KCNQ1OT1: variants seen among roughly 807,000 people sequenced by gnomAD.
KCNQ1OT1 encodes the protein KCNQ1 opposite strand/antisense transcript 1, also known as KCNQ1 antisense RNA 2 (non-protein coding).
exon 1 of KCNQ1OT1, chr11:2,685,058 A>G (rs967211855): frequency 2.5e-6 from 1 of 398,516 alleles, no homozygotes; most frequent in African/African-American, 2.1e-5. Context: ...TTTAAAATGT[A>G]TGGGACAGCC....
exon 1 of KCNQ1OT1, chr11:2,638,507 C>T (rs1486760205): frequency 6.6e-6 from 1 of 152,210 alleles, no homozygotes; most frequent in African/African-American, 2.4e-5. Flanking sequence ...TTGGCCCCCA[C>T]TCTCTTCTGG....
chr11:2,683,670 A>G lies in KCNQ1OT1; in HGVS notation n.16325T>C. 2 of 398,556 alleles carry G rather than the reference A, an allele frequency of 5.0e-6. No individual in the cohort carries two copies. The highest frequency in any genetic ancestry group is 4.4e-5 in the Admixed American group (1 of 22,728). The allele number at this position is 398,556 out of a possible 1,614,324, so 24.7% of individuals were successfully genotyped here. A position where few individuals can be genotyped will look rare whatever the true frequency, so the allele number is the denominator to read the frequency against. Reference sequence around the variant, plus strand: ...GAACATCCCTTACTTTCCCATCTCAATACAACTGTGAAAAGCCTAGCCTGG... The same window carrying G: ...GAACATCCCTTACTTTCCCATCTCAGTACAACTGTGAAAAGCCTAGCCTGG... On this transcript the variant is annotated non_coding_transcript_exon_variant, in exon 1 of 1. Coordinates refer to ENST00000597346, the Ensembl canonical transcript of KCNQ1OT1. The surrounding 1 kb of genome is among the most constrained non-coding windows in gnomAD (Gnocchi z 4.7).
rs76341569 is a variant in KCNQ1OT1, at chr11:2,683,310, T to G, written n.16685A>C. The stretch of plus-strand genomic sequence containing the variant: ...GTTTTAGTTTGCAAAACCAGACACA[T>G]AGAGGCCAGGTTTCCCCCGCTCAAC... On this transcript the variant is annotated non_coding_transcript_exon_variant, in exon 1 of 1. Coordinates refer to ENST00000597346, the Ensembl canonical transcript of KCNQ1OT1. This position sits in a 1 kb window ranked among gnomAD's most constrained non-coding sequence, Gnocchi z 4.7. 5,822 of 398,528 alleles carry G rather than the reference T, an allele frequency of 0.015. 204 individuals carry two copies. Among genetic ancestry groups the G allele is most frequent in the East Asian group, 0.097 (2,719 of 28,070 alleles). 24.7% of individuals were successfully genotyped at this position (398,528 alleles called of 1,614,324 possible).
At position 2,695,820 on chromosome 11, in the gene KCNQ1OT1, C is replaced by T. The variant is rs2133897573; in HGVS notation, n.4175G>A. 4 of 398,594 alleles carry T rather than the reference C, an allele frequency of 1.0e-5. No individual in the cohort carries two copies. In the East Asian group the frequency reaches 1.1e-4, roughly 11 times the overall value. The allele number at this position is 398,594 out of a possible 1,614,324, so 24.7% of individuals were successfully genotyped here. A position where few individuals can be genotyped will look rare whatever the true frequency, so the allele number is the denominator to read the frequency against. On this transcript the variant is annotated non_coding_transcript_exon_variant, in exon 1 of 1. Transcript: ENST00000597346. This position sits in a 1 kb window ranked among gnomAD's most constrained non-coding sequence, Gnocchi z 5.2. ...GAAGAATAGCTGTTGCTTTCATTTA[C>T]ATTTCTCTGATAACTGATTAGCTTG...
At chr11:2,660,188 A>AT (rs374329936) in exon 1 of KCNQ1OT1, 12 of 397,486 alleles carry the variant, frequency 3.0e-5, no homozygotes, top group Non-Finnish European at 4.4e-5. Flanking sequence ...TTTATTTTAG[A>AT]TTTTTTTTCA....
rs1850431374 is a variant in KCNQ1OT1, at chr11:2,683,423, G to C, written n.16572C>G. On this transcript the variant is annotated non_coding_transcript_exon_variant, in exon 1 of 1. Coordinates refer to ENST00000597346, the Ensembl canonical transcript of KCNQ1OT1. The surrounding 1 kb of genome is among the most constrained non-coding windows in gnomAD (Gnocchi z 4.7). ...TGTCCAATGGCTAAGCTTTCCCCAG[G>C]AATGGGTAACTGGAAAAATGTAGGA... The C allele has an allele frequency of 2.5e-6, 1 of 398,626 alleles. No homozygotes were observed. 24.7% of individuals were successfully genotyped at this position (398,626 alleles called of 1,614,324 possible).
chr11:2,687,774 C>CT lies in KCNQ1OT1; in HGVS notation n.12220dup. The stretch of plus-strand genomic sequence containing the variant: ...TGAGAAGAGGAGCCCCTTAGCAGGC[C>CT]TAACCACACCCCTAAGCCACCCAGC... On this transcript the variant is annotated non_coding_transcript_exon_variant, in exon 1 of 1. Transcript: ENST00000597346. The surrounding 1 kb of genome is among the most constrained non-coding windows in gnomAD (Gnocchi z 5.0). 2.5e-6 allele frequency: 1 copy of CT among 398,760 alleles called. No homozygotes were observed. The allele number at this position is 398,760 out of a possible 1,614,324, so 24.7% of individuals were successfully genotyped here. A position where few individuals can be genotyped will look rare whatever the true frequency, so the allele number is the denominator to read the frequency against.
exon 1 of KCNQ1OT1, chr11:2,692,326 TAGGCC>T: frequency 2.5e-6 from 1 of 398,980 alleles, no homozygotes; most frequent in Non-Finnish European, 4.4e-6. Context: ...ACTGTCCTGA[TAGGCC>T]ACCATTTCTC....
Position 2,649,954 on chromosome 11 carries a change from A to G in KCNQ1OT1, n.50041T>C, listed in dbSNP as rs191689638. ...AATATTGTTAGCTTAATAGTGTCTC[A>G]TATGTCACGCAGGCATTCTTCATTC... On this transcript the variant is annotated non_coding_transcript_exon_variant, in exon 1 of 1. Transcript: ENST00000597346. The G allele has an allele frequency of 1.9e-4, 74 of 398,464 alleles. 2 individuals are homozygous for G. The highest frequency in any genetic ancestry group is 1.2e-3 in the African/African-American group (60 of 48,726). 24.7% of individuals were successfully genotyped at this position (398,464 alleles called of 1,614,324 possible). A position where few individuals can be genotyped will look rare whatever the true frequency, so the allele number is the denominator to read the frequency against.
At position 2,674,574 on chromosome 11, in the gene KCNQ1OT1, T is replaced by C. The variant is rs1383724123; in HGVS notation, n.25421A>G. ...ACCTCGAGTGAGTGAATCTGAAGCATGCTAGTTGTGTTGCCTTTTAAATAG... is the reference window on the plus strand; with the variant it reads ...ACCTCGAGTGAGTGAATCTGAAGCACGCTAGTTGTGTTGCCTTTTAAATAG... On this transcript the variant is annotated non_coding_transcript_exon_variant, in exon 1 of 1. Transcript: ENST00000597346. The surrounding 1 kb of genome is among the most constrained non-coding windows in gnomAD (Gnocchi z 5.9). 7.5e-6 allele frequency: 3 copies of C among 398,488 alleles called. No homozygotes were observed. The highest frequency in any genetic ancestry group is 1.3e-5 in the Non-Finnish European group (3 of 226,066). The allele number at this position is 398,488 out of a possible 1,614,324, so 24.7% of individuals were successfully genotyped here.
chr11:2,610,850 G>T (rs1279015345), exon 1 of KCNQ1OT1: 3 of 397,602 alleles, frequency 7.5e-6, no homozygotes, highest in African/African-American at 4.1e-5. Context: ...ACAGGGGAGG[G>T]TATTAAGCAG....
chr11:2,668,816 TAATC>T lies in KCNQ1OT1; in HGVS notation n.31175_31178del, dbSNP rs1198533381. ...GGTCTTAATTTTCATGTGGTCCAGT[TAATC>T]AAACATTTCCTCTCTGGATAGGGCT... On this transcript the variant is annotated non_coding_transcript_exon_variant, in exon 1 of 1. Coordinates refer to ENST00000597346, the Ensembl canonical transcript of KCNQ1OT1. This position sits in a 1 kb window ranked among gnomAD's most constrained non-coding sequence, Gnocchi z 4.3. 2.5e-6 allele frequency: 1 copy of T among 398,528 alleles called. No individual in the cohort carries two copies. Among genetic ancestry groups the T allele is most frequent in the South Asian group, 1.3e-4 (1 of 7,862 alleles). The allele number at this position is 398,528 out of a possible 1,614,324, so 24.7% of individuals were successfully genotyped here. A position where few individuals can be genotyped will look rare whatever the true frequency, so the allele number is the denominator to read the frequency against.
At chr11:2,619,096 A>G (rs1849119478) in exon 1 of KCNQ1OT1, 5 of 398,352 alleles carry the variant, frequency 1.3e-5, no homozygotes, top group South Asian at 1.3e-4. Flanking sequence ...GGGGTTTTCT[A>G]TATGTAGGAT....
exon 1 of KCNQ1OT1, chr11:2,666,994 G>A (rs2133863283): frequency 2.5e-6 from 1 of 398,718 alleles, no homozygotes; most frequent in Non-Finnish European, 4.4e-6. Flanking sequence ...GGCTGTACAG[G>A]GCTGCATGAG....
chr11:2,668,859 T>G lies in KCNQ1OT1; in HGVS notation n.31136A>C, dbSNP rs144908659. On this transcript the variant is annotated non_coding_transcript_exon_variant, in exon 1 of 1. Coordinates refer to ENST00000597346, the Ensembl canonical transcript of KCNQ1OT1. The surrounding 1 kb of genome is among the most constrained non-coding windows in gnomAD (Gnocchi z 4.3). ...CTGGATAGGGCTGTTTGTGTCCTATTTAAGAAACTTTGACTACTCCAAGGT... is the reference window on the plus strand; with the variant it reads ...CTGGATAGGGCTGTTTGTGTCCTATGTAAGAAACTTTGACTACTCCAAGGT... 8 of 398,638 alleles carry G rather than the reference T, an allele frequency of 2.0e-5. No homozygotes were observed. The East Asian group carries it at 2.8e-4, about 14-fold the overall frequency. 24.7% of individuals were successfully genotyped at this position (398,638 alleles called of 1,614,324 possible). A position where few individuals can be genotyped will look rare whatever the true frequency, so the allele number is the denominator to read the frequency against.
At chr11:2,619,381 A>G in exon 1 of KCNQ1OT1, 3 of 398,578 alleles carry the variant, frequency 7.5e-6, no homozygotes, top group Non-Finnish European at 1.3e-5. Context: ...TTTATCAACA[A>G]AGGATGTTCA....
exon 1 of KCNQ1OT1, chr11:2,616,366 T>C: frequency 2.5e-6 from 1 of 397,980 alleles, no homozygotes; most frequent in Non-Finnish European, 4.4e-6. Context: ...AAATTATCTC[T>C]GTTGTTTATT....
exon 1 of KCNQ1OT1, chr11:2,675,046 G>A (rs1163203004): frequency 7.5e-6 from 3 of 398,536 alleles, no homozygotes; most frequent in Non-Finnish European, 1.3e-5. Flanking sequence ...TGGGGGACGG[G>A]GATGCCAAGG....
In KCNQ1OT1 at chr11:2,659,346, T is replaced by C. The variant is rs1849909772; in HGVS notation, n.40649A>G. The stretch of plus-strand genomic sequence containing the variant: ...TTTCTAGAATGTCCTATAAATGGGA[T>C]CCTATAATATGTATTCTTTTGCATC... On this transcript the variant is annotated non_coding_transcript_exon_variant, in exon 1 of 1. Coordinates refer to ENST00000597346, the Ensembl canonical transcript of KCNQ1OT1. This position sits in a 1 kb window ranked among gnomAD's most constrained non-coding sequence, Gnocchi z 4.3. 1 of 398,650 alleles carries C rather than the reference T, an allele frequency of 2.5e-6. No homozygotes were observed. The highest frequency in any genetic ancestry group is 4.4e-6 in the Non-Finnish European group (1 of 226,054). 24.7% of individuals were successfully genotyped at this position (398,650 alleles called of 1,614,324 possible).
Sources: gnomAD v4.1 joint callset for allele counts on GRCh38, gnomAD v4.1.1 for gene constraint, Gnocchi (gnomAD v3.1) non-coding constraint, MANE v1.5 for transcripts, NCBI Gene and HGNC (gene_info 2026-07-23, HGNC 2026-07-21) for gene names.